HS3ST5: variants seen among roughly 807,000 people sequenced by gnomAD.
The protein encoded by HS3ST5 is heparan sulfate glucosamine 3-O-sulfotransferase 5.
A neutral mutation model predicts 25.4 loss-of-function variants in HS3ST5; 10 were observed. That is an observed-to-expected ratio of 0.39 (90% CI 0.24 to 0.67). HS3ST5 has a LOEUF of 0.67. Among genes scored for constraint, HS3ST5 ranks in the 30% least tolerant of loss-of-function variants. The probability of loss-of-function intolerance (pLI) is 0.44; values close to 1 mark genes in which losing one functional copy is unlikely to be tolerated. For missense variants in HS3ST5, 324 were observed against 420.7 expected, an observed-to-expected ratio of 0.77 and a Z score of 2.01; for synonymous variants, 170 against 162.4, an observed-to-expected ratio of 1.05 and a Z score of -0.36.
At chr6:114,310,159 C>T (rs1355511617) in intron 1 of HS3ST5, among the ~76,000 whole-genome samples, 3 of 152,116 alleles carry the variant, frequency 2.0e-5, no homozygotes. Flanking sequence ...GATTTAAATC[C>T]AAACTAAAAT....
chr6:114,058,092 T>A lies in HS3ST5; in HGVS notation c.206A>T (p.His69Leu). 6.2e-7 allele frequency: 1 copy of A among 1,614,160 alleles called. No individual in the cohort carries two copies. Among genetic ancestry groups the A allele is most frequent in the Non-Finnish European group, 8.5e-7 (1 of 1,180,022 alleles). The change falls in exon 5 of 5, where the codon CAC becomes CTC. Residue 69 changes from histidine (H) to leucine (L), a missense_variant. By Grantham distance (99) the His-to-Leu change is moderately conservative. Transcript: ENST00000312719. ...GGAAGCGTTGCCCTTCCGGAACTCG[T>A]GCAGCAGGCCACGCTTAAACTGCAG... ...RALQFKRGLL[H>L]EFRKGNASKE...
rs913391053 is a variant in HS3ST5 at position 114,077,101 on chromosome 6, T to C, written c.-32-14224A>G. ...TCTTCATTTCTGTCCTCCATTCAGC[T>C]TTCCATAACAGGCATAGATTATTTA... On this transcript the variant is annotated intron_variant, in intron 3 of 4. Coordinates refer to ENST00000312719, the MANE Select transcript of HS3ST5 (RefSeq NM_153612.4). 2.6e-5 allele frequency among the ~76,000 whole-genome samples: 4 copies of C among 152,360 alleles called. No homozygotes were observed. The East Asian group carries it at 7.7e-4, about 29-fold the overall frequency.
At chr6:114,326,579 G>T (rs1459598892) in intron 1 of HS3ST5, among the ~76,000 whole-genome samples, 1 of 152,170 alleles carries the variant, frequency 6.6e-6, no homozygotes, top group Admixed American at 6.6e-5. Context: ...CAACTTTATA[G>T]ATGTAATTTT....
At chr6:114,109,635 G>A (rs542114275) in intron 3 of HS3ST5, among the ~76,000 whole-genome samples, 7 of 152,042 alleles carry the variant, frequency 4.6e-5, no homozygotes, top group Non-Finnish European at 7.4e-5. Flanking sequence ...GACCCTCATC[G>A]CTCTCCTTTC....
intron 1 of HS3ST5, among the ~76,000 whole-genome samples, chr6:114,298,649 G>A (rs546067845): frequency 5.3e-5 from 8 of 152,348 alleles, no homozygotes; most frequent in East Asian, 1.9e-4. Flanking sequence ...CAGGGACCCC[G>A]AATGGGGGGA....
chr6:114,175,111 T>C (rs751141560), intron 2 of HS3ST5, among the ~76,000 whole-genome samples: 12 of 152,176 alleles, frequency 7.9e-5, no homozygotes, highest in Non-Finnish European at 1.8e-4. Flanking sequence ...CAAAGGTGTA[T>C]TGATGTATTG....
chr6:114,148,835 C>T (rs1160791959), intron 3 of HS3ST5, among the ~76,000 whole-genome samples: 1 of 152,144 alleles, frequency 6.6e-6, no homozygotes, highest in Non-Finnish European at 1.5e-5. Context: ...TTTTTGCAAT[C>T]TACCCATCTG....
At chr6:114,087,283 C>T (rs940012001) in intron 3 of HS3ST5, among the ~76,000 whole-genome samples, 11 of 152,304 alleles carry the variant, frequency 7.2e-5, no homozygotes, top group Admixed American at 4.6e-4. Context: ...CAGCATTGTT[C>T]TTCCTTCCCT....
At chr6:114,088,915 G>A (rs538135583) in intron 3 of HS3ST5, 4 of 152,290 alleles carry the variant, frequency 2.6e-5, no homozygotes, top group South Asian at 2.1e-4. Flanking sequence ...AGAGCACTGC[G>A]CTCATTTCCC....
At chr6:114,071,491 CTG>C (rs768682294) in intron 3 of HS3ST5, among the ~76,000 whole-genome samples, 16 of 152,198 alleles carry the variant, frequency 1.1e-4, no homozygotes, top group Non-Finnish European at 2.2e-4. Context: ...TTGTAATTCT[CTG>C]TTTATTTGTG....
At chr6:114,163,922 C>A (rs1054893776) in intron 3 of HS3ST5, among the ~76,000 whole-genome samples, 1 of 152,016 alleles carries the variant, frequency 6.6e-6, no homozygotes, top group African/African-American at 2.4e-5. Flanking sequence ...ACTTATGAAC[C>A]TATCTTAGCT....
chr6:114,257,316 G>C (rs1208959596), intron 1 of HS3ST5, among the ~76,000 whole-genome samples: 1 of 152,168 alleles, frequency 6.6e-6, no homozygotes, highest in Non-Finnish European at 1.5e-5. Context: ...ACACTTCTGA[G>C]GCACTTTCCA....
At chr6:114,324,304 T>G (rs1324032941) in intron 1 of HS3ST5, among the ~76,000 whole-genome samples, 1 of 152,218 alleles carries the variant, frequency 6.6e-6, no homozygotes, top group East Asian at 1.9e-4. Context: ...TTCCAAAAAC[T>G]GTCATCTCTA....
At position 114,057,890 on chromosome 6, in the gene HS3ST5, A is replaced by T. The variant is rs1316531783; in HGVS notation, c.408T>A (p.Ile136=). 26 of 1,614,040 alleles carry T rather than the reference A, an allele frequency of 1.6e-5. No individual in the cohort carries two copies. The Admixed American group carries it at 4.3e-4, about 27-fold the overall frequency. Reference sequence around the variant, plus strand: ...AAGGCATCTTTTTCCTATACCACTCAATGCCCTTACCATAATTCTCATCAT... The same window carrying T: ...AAGGCATCTTTTTCCTATACCACTCTATGCCCTTACCATAATTCTCATCAT... ...FDNDENYGKG[I]EWYRKKMPFS... Residue 136 remains isoleucine, a synonymous_variant, in exon 5 of 5, where the codon ATT becomes ATA. Coordinates refer to ENST00000312719, the MANE Select transcript of HS3ST5 (RefSeq NM_153612.4).
At chr6:114,235,926 G>A (rs1562247791) in intron 1 of HS3ST5, among the ~76,000 whole-genome samples, 1 of 152,230 alleles carries the variant, frequency 6.6e-6, no homozygotes, top group Non-Finnish European at 1.5e-5. Context: ...TTTGGCAACA[G>A]TAGTGGTCAG....
chr6:114,297,441 G>A (rs531002110), intron 1 of HS3ST5, among the ~76,000 whole-genome samples: 1 of 152,298 alleles, frequency 6.6e-6, no homozygotes, highest in Non-Finnish European at 1.5e-5. Flanking sequence ...GACAGGAAGA[G>A]GAACAAGATT....
intron 3 of HS3ST5, among the ~76,000 whole-genome samples, chr6:114,130,911 C>T (rs758929651): frequency 6.6e-6 from 1 of 152,078 alleles, no homozygotes; most frequent in Non-Finnish European, 1.5e-5. Context: ...CATGGTGGTG[C>T]ACCCTTGTAG....
intron 3 of HS3ST5, among the ~76,000 whole-genome samples, chr6:114,072,208 G>GA (rs1413115609): frequency 1.3e-5 from 2 of 151,576 alleles, no homozygotes; most frequent in Non-Finnish European, 2.9e-5. Flanking sequence ...TGTTTAAAAA[G>GA]AAAAAAACCT....
At chr6:114,150,208 CTGT>C (rs1778385280) in intron 3 of HS3ST5, among the ~76,000 whole-genome samples, 1 of 152,078 alleles carries the variant, frequency 6.6e-6, no homozygotes, top group Non-Finnish European at 1.5e-5. Flanking sequence ...TTTGGATGTC[CTGT>C]TAAGTTTGTT....
Sources: gnomAD v4.1 joint callset for allele counts (sites outside exome capture counted in the v4.1 genomes callset) on GRCh38, gnomAD v4.1.1 for gene constraint, MANE v1.5 for transcripts, NCBI Gene and HGNC (gene_info 2026-07-23, HGNC 2026-07-21) for gene names.